TBC1D15: variants seen among roughly 807,000 people sequenced by gnomAD.
TBC1D15 encodes the protein TBC1 domain family member 15, also known as GAP for RAB7.
In TBC1D15, 39 loss-of-function variants were observed where a neutral mutation model predicts 95.4. That is an observed-to-expected ratio of 0.41 (90% CI 0.32 to 0.53). The LOEUF is 0.53. TBC1D15 is among the 20% of genes least tolerant of loss of function. The pLI is 0.29. For synonymous variants in TBC1D15, 258 were observed against 261.3 expected, an observed-to-expected ratio of 0.99 and a Z score of 0.12; for missense variants, 733 against 794.3, an observed-to-expected ratio of 0.92 and a Z score of 0.93.
intron 1 of TBC1D15, among the ~76,000 whole-genome samples, chr12:71,843,429 G>A (rs10879338): frequency 0.11 from 16,654 of 151,944 alleles, 1,082 homozygotes; most frequent in African/African-American, 0.16. Flanking sequence ...AAATTTTTGT[G>A]CTTTAGAAAG....
At chr12:71,840,084 A>G (rs1467174113) in intron 1 of TBC1D15, among the ~76,000 whole-genome samples, 1 of 152,168 alleles carries the variant, frequency 6.6e-6, no homozygotes. Context: ...ACCTTTACTA[A>G]GGGACAGGTG....
chr12:71,868,358 G>C (rs1891936301), intron 1 of TBC1D15, among the ~76,000 whole-genome samples: 1 of 150,662 alleles, frequency 6.6e-6, no homozygotes, highest in Non-Finnish European at 1.5e-5. Flanking sequence ...CCATTCTCCT[G>C]CCTCAGCCTC....
At chr12:71,859,526 G>A (rs879775413) in intron 1 of TBC1D15, among the ~76,000 whole-genome samples, 1 of 152,062 alleles carries the variant, frequency 6.6e-6, no homozygotes, top group Non-Finnish European at 1.5e-5. Context: ...CCTGACCAGT[G>A]CCCTGAATAA....
intron 5 of TBC1D15, among the ~76,000 whole-genome samples, chr12:71,890,400 CTTTT>C (rs1248624987): frequency 3.9e-5 from 6 of 152,132 alleles, no homozygotes; most frequent in Non-Finnish European, 8.8e-5. Context: ...CTCCTGTCTT[CTTTT>C]GAGTTCAAAA....
intron 1 of TBC1D15, among the ~76,000 whole-genome samples, chr12:71,847,863 C>T (rs186855389): frequency 1.3e-4 from 20 of 151,952 alleles, no homozygotes; most frequent in African/African-American, 2.9e-4. Flanking sequence ...TTTGGGAGGC[C>T]GAGGTGGGTG....
chr12:71,893,726 A>C (rs1265162156), intron 6 of TBC1D15, among the ~76,000 whole-genome samples: 3 of 151,962 alleles, frequency 2.0e-5, no homozygotes, highest in Non-Finnish European at 4.4e-5. Context: ...CGTCATGACA[A>C]TCTTATTCCC....
At chr12:71,906,814 C>T (rs775527574) in intron 10 of TBC1D15, among the ~76,000 whole-genome samples, 1 of 151,776 alleles carries the variant, frequency 6.6e-6, no homozygotes, top group Non-Finnish European at 1.5e-5. Flanking sequence ...TAAAATCTGC[C>T]CATGAGGAGG....
intron 1 of TBC1D15, among the ~76,000 whole-genome samples, chr12:71,853,460 C>T (rs372107981): frequency 2.0e-5 from 3 of 152,110 alleles, no homozygotes; most frequent in Admixed American, 6.5e-5. Flanking sequence ...TGCACCTGGC[C>T]GAGTTGTGAC....
At chr12:71,853,461 G>A (rs192382298) in intron 1 of TBC1D15, among the ~76,000 whole-genome samples, 15 of 152,288 alleles carry the variant, frequency 9.8e-5, no homozygotes, top group Admixed American at 1.3e-4. Context: ...GCACCTGGCC[G>A]AGTTGTGACT....
At chr12:71,870,941 A>T (rs1453942887) in intron 1 of TBC1D15, among the ~76,000 whole-genome samples, 1 of 152,200 alleles carries the variant, frequency 6.6e-6, no homozygotes, top group African/African-American at 2.4e-5. Context: ...GACCCATGAT[A>T]TTCTGAAGAC....
At chr12:71,918,018 G>A (rs1904119686) in intron 13 of TBC1D15, among the ~76,000 whole-genome samples, 1 of 152,118 alleles carries the variant, frequency 6.6e-6, no homozygotes, top group Non-Finnish European at 1.5e-5. Flanking sequence ...TGCTGGCTGT[G>A]GTGATGCATG....
At chr12:71,874,396 T>G (rs1893331084) in intron 3 of TBC1D15, among the ~76,000 whole-genome samples, 1 of 152,184 alleles carries the variant, frequency 6.6e-6, no homozygotes, top group East Asian at 1.9e-4. Context: ...CACTGTCTTT[T>G]GGTATCTGTG....
At chr12:71,921,092 AAATT>A (rs1869121616) in intron 15 of TBC1D15, among the ~76,000 whole-genome samples, 1 of 152,194 alleles carries the variant, frequency 6.6e-6, no homozygotes. Context: ...AGTTTTTCAA[AAATT>A]AATTGTCTTT....
chr12:71,918,614 G>T (rs1018832931), intron 14 of TBC1D15, 66 bp downstream of exon 14: 36 of 1,069,856 alleles, frequency 3.4e-5, no homozygotes, highest in Non-Finnish European at 4.6e-5. Context: ...ATTCTGTAGA[G>T]TGTAAATGAA....
At chr12:71,839,868 C>T (rs1884464835) in intron 1 of TBC1D15, 57 bp downstream of exon 1, 2 of 1,604,614 alleles carry the variant, frequency 1.2e-6, no homozygotes, top group Middle Eastern at 1.7e-4. Context: ...GATGCTTTTG[C>T]TCCCTGGCAG....
chr12:71,874,879 T>A (rs992605706), intron 3 of TBC1D15, among the ~76,000 whole-genome samples: 6 of 152,050 alleles, frequency 3.9e-5, no homozygotes, highest in Admixed American at 1.3e-4. Flanking sequence ...CGCCTCTGCC[T>A]CCCAAAGTGC....
At chr12:71,872,261 G>A in intron 2 of TBC1D15, 93 bp downstream of exon 2, 1 of 652,626 alleles carries the variant, frequency 1.5e-6, no homozygotes, top group South Asian at 3.3e-5. Flanking sequence ...TCATGTGTAA[G>A]ATACAATTAT....
chr12:71,894,587 T>C (rs558001885), intron 6 of TBC1D15, 99 bp from the exon 7 acceptor site: 205 of 1,191,732 alleles, frequency 1.7e-4, no homozygotes, highest in South Asian at 4.3e-4. Flanking sequence ...AGTCCTGATT[T>C]CTTTTCTTTT....
chr12:71,856,279 A>G (rs1323757411), intron 1 of TBC1D15, among the ~76,000 whole-genome samples: 2 of 152,194 alleles, frequency 1.3e-5, no homozygotes, highest in African/African-American at 4.8e-5. Flanking sequence ...TTTTAGTAAT[A>G]TCTCAGATAT....
Sources: gnomAD v4.1 joint callset for allele counts (sites outside exome capture counted in the v4.1 genomes callset) on GRCh38, gnomAD v4.1.1 for gene constraint, MANE v1.5 for transcripts, NCBI Gene and HGNC (gene_info 2026-07-23, HGNC 2026-07-21) for gene names.